Variants in LRRC56 observed in about 807,000 individuals in gnomAD.
LRRC56 encodes leucine rich repeat containing 56.
In LRRC56, 41 loss-of-function variants were observed where a neutral mutation model predicts 47.8. The ratio of observed to expected loss-of-function variants is 0.86; its 90% CI spans 0.67 to 1.11. The LOEUF is 1.11. LRRC56 is among the 50% of genes most tolerant of loss of function. The pLI, the probability that LRRC56 is intolerant of heterozygous loss-of-function variation, is 0.00. For synonymous variants in LRRC56, 387 were observed against 311.2 expected (o/e 1.24, Z -2.56); for missense variants, 759 against 704.2 (o/e 1.08, Z -0.88).
intron 9 of LRRC56, 39 bp from the exon 10 acceptor site, chr11:551,612 G>A (rs768539527): frequency 1.3e-6 from 2 of 1,523,560 alleles, no homozygotes; most frequent in Non-Finnish European, 1.8e-6. Flanking sequence ...GCGCTCTCAG[G>A]CTGGGCCTTG....
chr11:554,057 A>G lies in LRRC56; in HGVS notation c.1410A>G (p.Thr470=). 1 of 1,611,230 alleles carries G rather than the reference A, an allele frequency of 6.2e-7. No individual in the cohort carries two copies. The highest frequency in any genetic ancestry group is 2.2e-5 in the East Asian group (1 of 44,846). The stretch of plus-strand genomic sequence containing the variant: ...GCAGCAGCTCCCCGCGGTGGTCGAC[A>G]GACCTGCAGTCCAGGGGGCGTCGGC... The part of the protein sequence containing the change: ...DSGSSSPRWS[T]DLQSRGRRLR... Residue 470 remains threonine, a synonymous_variant, in exon 14 of 14, where the codon ACA becomes ACG. Coordinates refer to ENST00000270115, the MANE Select transcript of LRRC56 (RefSeq NM_198075.4).
intron 5 of LRRC56, among the ~76,000 whole-genome samples, chr11:542,901 C>CT (rs34047347): frequency 0.011 from 1,563 of 146,664 alleles, 22 homozygotes; most frequent in African/African-American, 0.033. Context: ...CCAACAGTGA[C>CT]TTTTTTTTTT....
At chr11:520,516 A>T in the LRRC56 span, among the ~76,000 whole-genome samples, 2 of 151,996 alleles carry the variant, frequency 1.3e-5, no homozygotes, top group Admixed American at 6.6e-5. Context: ...ACGGGGTTTC[A>T]TCATGTTGGC....
chr11:508,316 C>T, the LRRC56 span, among the ~76,000 whole-genome samples: 1 of 152,240 alleles, frequency 6.6e-6, no homozygotes, highest in African/African-American at 2.4e-5. Context: ...CAGGCGCCAG[C>T]ACGCCTGGCT....
the LRRC56 span, among the ~76,000 whole-genome samples, chr11:524,379 C>G: frequency 3.3e-5 from 5 of 152,090 alleles, no homozygotes; most frequent in Admixed American, 6.6e-5. Context: ...CACCTGTAAT[C>G]CCAGCACTTT....
chr11:550,028 C>CTGGG (rs1564805092), intron 7 of LRRC56, 30 bp downstream of exon 7: 11 of 1,611,524 alleles, frequency 6.8e-6, no homozygotes, highest in East Asian at 6.7e-5. Context: ...GCTGGGGAGG[C>CTGGG]CTGGGCTGGG....
chr11:518,099 T>G, the LRRC56 span, among the ~76,000 whole-genome samples: 1 of 151,968 alleles, frequency 6.6e-6, no homozygotes, highest in African/African-American at 2.4e-5. Context: ...GCTGACCTTC[T>G]CTCCACTATT....
the LRRC56 span, among the ~76,000 whole-genome samples, chr11:526,798 A>T: frequency 6.6e-6 from 1 of 152,102 alleles, no homozygotes; most frequent in African/African-American, 2.4e-5. Flanking sequence ...TTAGCCAGGC[A>T]TGGTGGTGGG....
At chr11:513,713 G>T in the LRRC56 span, among the ~76,000 whole-genome samples, 1 of 151,560 alleles carries the variant, frequency 6.6e-6, no homozygotes, top group Non-Finnish European at 1.5e-5. Flanking sequence ...TTAAGAAATT[G>T]CTGGCCGGGT....
At chr11:525,785 A>G in the LRRC56 span, among the ~76,000 whole-genome samples, 1 of 152,126 alleles carries the variant, frequency 6.6e-6, no homozygotes, top group Non-Finnish European at 1.5e-5. Context: ...CTGTAGTCCT[A>G]GCTACTCGGG....
chr11:528,197 C>T, the LRRC56 span, among the ~76,000 whole-genome samples: 1 of 152,198 alleles, frequency 6.6e-6, no homozygotes, highest in African/African-American at 2.4e-5. Flanking sequence ...TACGCGTGGC[C>T]TTGTGGGATC....
chr11:531,091 G>C, the LRRC56 span, among the ~76,000 whole-genome samples: 77 of 119,842 alleles, frequency 6.4e-4, no homozygotes, highest in Admixed American at 1.1e-3. Flanking sequence ...AGAGAAGGGC[G>C]AGTGTGGCGT....
In LRRC56 at chr11:551,278, A is replaced by C. The variant is rs201686877; in HGVS notation, c.772A>C (p.Lys258Gln). 322 of 1,535,608 alleles carry C rather than the reference A, an allele frequency of 2.1e-4. No homozygotes were observed. The African/African-American group carries it at 4.2e-3, about 20-fold the overall frequency. Residue 258 changes from lysine (K) to glutamine (Q), a missense_variant, in exon 9 of 14, where the codon AAG becomes CAG. By Grantham distance (53) the Lys-to-Gln change is moderately conservative (BLOSUM62 1). Transcript: ENST00000270115. ...GCTTGCGGTGAAGGAGGCCATCAAG[A>C]AGGGCAACGGCCTTCCCCCGCTGGG... ...DWLAVKEAIKKGNGLPPLDCP... is the reference protein window; with the variant it reads ...DWLAVKEAIKQGNGLPPLDCP...
the LRRC56 span, among the ~76,000 whole-genome samples, chr11:523,904 C>T: frequency 6.6e-6 from 1 of 151,744 alleles, no homozygotes; most frequent in South Asian, 2.1e-4. Flanking sequence ...CTCCAGCCTG[C>T]GTGACAGAGC....
At chr11:511,088 GA>G in the LRRC56 span, among the ~76,000 whole-genome samples, 3 of 152,066 alleles carry the variant, frequency 2.0e-5, no homozygotes, top group East Asian at 3.9e-4. Context: ...TTGGGAGGCC[GA>G]GGCGGGCGGA....
the LRRC56 span, among the ~76,000 whole-genome samples, chr11:523,092 C>T: frequency 6.6e-6 from 1 of 151,940 alleles, no homozygotes; most frequent in Non-Finnish European, 1.5e-5. Flanking sequence ...GCAATGGCGC[C>T]ATCTCTGCTC....
upstream of LRRC56, chr11:535,491 T>C (rs1282129702): frequency 6.8e-6 from 1 of 146,628 alleles, no homozygotes; most frequent in Non-Finnish European, 1.5e-5. Flanking sequence ...GGGCGCGCGG[T>C]TCGCCCCGCG....
chr11:534,543 G>A, upstream of LRRC56: 1 of 595,922 alleles, frequency 1.7e-6, no homozygotes, highest in South Asian at 2.0e-5. Context: ...CCAGCGTGCG[G>A]GAGGGCTGTC....
intron 6 of LRRC56, among the ~76,000 whole-genome samples, chr11:545,934 T>C (rs111819522): frequency 1.2e-4 from 19 of 152,196 alleles, no homozygotes; most frequent in Non-Finnish European, 2.6e-4. Context: ...TCTCTTTGAA[T>C]GTTTTCTTGA....
Sources: gnomAD v4.1 joint callset for allele counts (sites outside exome capture counted in the v4.1 genomes callset) on GRCh38, gnomAD v4.1.1 for gene constraint, MANE v1.5 for transcripts, NCBI Gene and HGNC (gene_info 2026-07-23, HGNC 2026-07-21) for gene names.